The following LGALS1 variants were observed in gnomAD, a reference collection of about 807,000 sequenced individuals.
The protein encoded by LGALS1 is galectin-1.
Under a neutral mutation model 14.4 loss-of-function variants are expected in LGALS1, and 14 were observed. That is an observed-to-expected ratio of 0.97 (90% confidence interval 0.64 to 1.52). The LOEUF (loss-of-function observed/expected upper bound fraction) is 1.52, where lower values mean the gene tolerates loss of function less well. LGALS1 is among the 40% of genes most tolerant of loss of function. LGALS1 has a pLI of 0.00. For missense variants in LGALS1, 170 were observed against 181.4 expected (o/e 0.94, Z 0.36); for synonymous variants, 71 against 73.4 (o/e 0.97, Z 0.17).
Position 37,678,634 on chromosome 22 carries a change from C to A in LGALS1, c.241C>A (p.Gln81Lys). The change falls in exon 3 of 4, where the codon CAG becomes AAG. Residue 81 changes from glutamine to lysine, a missense_variant. Gln to Lys is a moderately conservative substitution (Grantham distance 53). Coordinates refer to ENST00000215909, the MANE Select transcript of LGALS1 (RefSeq NM_002305.4). ...TEQREAVFPF[Q>K]PGSVAEVCIT... ...GCAGCGGGAGGCTGTCTTTCCCTTCCAGCCTGGAAGTGTTGCAGAGGTGGG... is the reference window on the plus strand; with the variant it reads ...GCAGCGGGAGGCTGTCTTTCCCTTCAAGCCTGGAAGTGTTGCAGAGGTGGG... 1 of 1,604,210 alleles carries A rather than the reference C, an allele frequency of 6.2e-7. No individual in the cohort carries two copies. Among genetic ancestry groups the A allele is most frequent in the Non-Finnish European group, 8.5e-7 (1 of 1,175,894 alleles).
In LGALS1 at chr22:37,678,479, C is replaced by G; in HGVS notation, c.90-4C>G. The stretch of plus-strand genomic sequence containing the variant: ...TGGCCTCATGCCCACCCGTTACCCC[C>G]CAGCTTCGTGCTGAACCTGGGCAAA... On this transcript the variant is annotated splice_polypyrimidine_tract_variant and splice_region_variant and intron_variant, in intron 2 of 3. Coordinates refer to ENST00000215909, the MANE Select transcript of LGALS1 (RefSeq NM_002305.4). 6.2e-7 allele frequency: 1 copy of G among 1,613,450 alleles called. No homozygotes were observed. Among genetic ancestry groups the G allele is most frequent in the Non-Finnish European group, 8.5e-7 (1 of 1,180,002 alleles).
In LGALS1 at chr22:37,679,762, C is replaced by A; in HGVS notation, c.*13C>A. 6.3e-7 allele frequency: 1 copy of A among 1,574,890 alleles called. No individual in the cohort carries two copies. The highest frequency in any genetic ancestry group is 8.6e-7 in the Non-Finnish European group (1 of 1,157,448). On this transcript the variant is annotated 3_prime_UTR_variant, in exon 4 of 4. Coordinates refer to ENST00000215909, the MANE Select transcript of LGALS1 (RefSeq NM_002305.4). ...GGCCTTTGACTGAAATCAGCCAGCCCATGGCCCCCAATAAAGGCAGCTGCC... is the reference window on the plus strand; with the variant it reads ...GGCCTTTGACTGAAATCAGCCAGCCAATGGCCCCCAATAAAGGCAGCTGCC...
chr22:37,678,314 G>T, intron 2 of LGALS1, 169 bp from the exon 3 acceptor site: 1 of 753,750 alleles, frequency 1.3e-6, no homozygotes, highest in Admixed American at 2.0e-5. Flanking sequence ...GCAAACAGGG[G>T]AAGAGGGGCA....
At chr22:37,676,351 C>T (rs1316056092) in intron 1 of LGALS1, among the ~76,000 whole-genome samples, 3 of 152,172 alleles carry the variant, frequency 2.0e-5, no homozygotes, top group Non-Finnish European at 4.4e-5. Flanking sequence ...ACCACTCAAA[C>T]CAGTTAACTC....
In LGALS1 at chr22:37,675,728, C is replaced by A. The variant is rs1318008108; in HGVS notation, c.9+17C>A. 2 of 1,538,952 alleles carry A rather than the reference C, an allele frequency of 1.3e-6. No individual in the cohort carries two copies. The highest frequency in any genetic ancestry group is 2.5e-5 in the East Asian group (1 of 40,258). On this transcript the variant is annotated intron_variant, in intron 1 of 3. Coordinates refer to ENST00000215909, the MANE Select transcript of LGALS1 (RefSeq NM_002305.4). ...ATGGCTTGTGTGAGTGTGGGGACCC[C>A]CCCCCAAGGTCCAGGGGATAGGGCA... is the stretch of plus-strand genomic sequence containing the variant.
intron 2 of LGALS1, chr22:37,678,236 C>T (rs888414597): frequency 2.7e-5 from 17 of 623,338 alleles, no homozygotes; most frequent in African/African-American, 1.1e-4. Flanking sequence ...CTTGACCAAA[C>T]GGGCTAGGAT....
rs752640310 is a variant in LGALS1 at position 37,675,849 on chromosome 22, A to G, written c.9+138A>G. 3.4e-4 allele frequency: 236 copies of G among 687,188 alleles called. 1 individual carries two copies. Among genetic ancestry groups the G allele is most frequent in the Non-Finnish European group, 4.7e-4 (205 of 438,932 alleles). 42.6% of individuals were successfully genotyped at this position (687,188 alleles called of 1,614,324 possible). On this transcript the variant is annotated intron_variant, in intron 1 of 3. Transcript: ENST00000215909. ...CAGTGCCTTCTCTTTTCTGGACCTC[A>G]GTGGCCACATCTGTAAAATGGGGGT...
intron 1 of LGALS1, among the ~76,000 whole-genome samples, chr22:37,676,376 G>A (rs192729022): frequency 5.1e-4 from 77 of 152,286 alleles, no homozygotes; most frequent in African/African-American, 1.8e-3. Flanking sequence ...CCACCCACTC[G>A]GGGTGCCAGG....
rs1921520215 is a variant in LGALS1, at chr22:37,678,560, C to T, written c.167C>T (p.Ala56Val). Residue 56 changes from alanine (A) to valine (V), a missense_variant, in exon 3 of 4, where the codon GCC (alanine) becomes GTC (valine). Coordinates refer to ENST00000215909, the MANE Select transcript of LGALS1 (RefSeq NM_002305.4). Reference protein sequence around the residue: ...FNPRFNAHGDANTIVCNSKDG... With the variant: ...FNPRFNAHGDVNTIVCNSKDG... The stretch of plus-strand genomic sequence containing the variant: ...CCTCGCTTCAACGCCCACGGCGACG[C>T]CAACACCATCGTGTGCAACAGCAAG... 2.5e-6 allele frequency: 4 copies of T among 1,613,618 alleles called. No homozygotes were observed. Among genetic ancestry groups the T allele is most frequent in the Non-Finnish European group, 2.5e-6 (3 of 1,180,034 alleles).
At position 37,678,904 on chromosome 22, in the gene LGALS1, C is replaced by T. The variant is rs963220082; in HGVS notation, c.261+250C>T. On this transcript the variant is annotated intron_variant, in intron 3 of 3. Transcript: ENST00000215909. Reference sequence around the variant, plus strand: ...CAGCACTTTGGGAGGCCGAGGCGGGCGGATCACCTGAGGTCGGGAGTTCGA... The same window carrying T: ...CAGCACTTTGGGAGGCCGAGGCGGGTGGATCACCTGAGGTCGGGAGTTCGA... Among the ~76,000 whole-genome samples the T allele has an allele frequency of 7.9e-5, 12 of 151,850 alleles. No homozygotes were observed. The South Asian group carries it at 1.0e-3, about 13-fold the overall frequency.
At chr22:37,677,126 TG>T in intron 2 of LGALS1, 61 bp downstream of exon 2, 3 of 1,538,336 alleles carry the variant, frequency 2.0e-6, no homozygotes, top group Non-Finnish European at 8.9e-7. Context: ...AGGGAGGGCG[TG>T]GCCGGCCAAG....
Position 37,675,674 on chromosome 22 carries a change from T to G in LGALS1, c.-29T>G, listed in dbSNP as rs1921397830. 1.3e-6 allele frequency: 2 copies of G among 1,549,570 alleles called. No homozygotes were observed. Among genetic ancestry groups the G allele is most frequent in the South Asian group, 1.2e-5 (1 of 83,854 alleles). On this transcript the variant is annotated 5_prime_UTR_variant, in exon 1 of 4. Transcript: ENST00000215909. ...GGAGTCTTCTGACAGCTGGTGCGCC[T>G]GCCCGGGAACATCCTCCTGGACTCA...
chr22:37,679,573 G>T, intron 3 of LGALS1, 30 bp from the exon 4 acceptor site: 3 of 1,553,788 alleles, frequency 1.9e-6, no homozygotes, highest in Non-Finnish European at 1.7e-6. Context: ...TGGCATGTGG[G>T]CCCGGCTCAC....
chr22:37,679,693 A>G lies in LGALS1; in HGVS notation c.352A>G (p.Ile118Val). The G allele has an allele frequency of 6.2e-7, 1 of 1,611,192 alleles. No homozygotes were observed. The highest frequency in any genetic ancestry group is 8.5e-7 in the Non-Finnish European group (1 of 1,178,956). The change falls in exon 4 of 4, where the codon ATC becomes GTC. Residue 118 changes from isoleucine to valine, a missense_variant. Transcript: ENST00000215909. ...CCCCAACCGCCTCAACCTGGAGGCCATCAACTACATGGCAGCTGACGGTGA... is the reference window on the plus strand; with the variant it reads ...CCCCAACCGCCTCAACCTGGAGGCCGTCAACTACATGGCAGCTGACGGTGA... ...KFPNRLNLEA[I>V]NYMAADGDFK...
At position 37,677,009 on chromosome 22, in the gene LGALS1, T is replaced by C; in HGVS notation, c.33T>C (p.Asn11=). 1 of 1,613,994 alleles carries C rather than the reference T, an allele frequency of 6.2e-7. No individual in the cohort carries two copies. Among genetic ancestry groups the C allele is most frequent in the Non-Finnish European group, 8.5e-7 (1 of 1,179,986 alleles). ...AGGGTCTGGTCGCCAGCAACCTGAA[T>C]CTCAAACCTGGAGAGTGCCTTCGAG... MACGLVASNL[N]LKPGECLRVR... is the part of the protein sequence containing the mutation. Residue 11 remains asparagine (N), a synonymous_variant, in exon 2 of 4, where the codon AAT becomes AAC. Transcript: ENST00000215909.
rs749582229 is a variant in LGALS1 at position 37,678,672 on chromosome 22, A to AC, written c.261+20dup. 3 of 721,334 alleles carry AC rather than the reference A, an allele frequency of 4.2e-6. No individual in the cohort carries two copies. The highest frequency in any genetic ancestry group is 6.0e-6 in the Non-Finnish European group (3 of 498,464). 44.7% of individuals were successfully genotyped at this position (721,334 alleles called of 1,614,324 possible). A position where few individuals can be genotyped will look rare whatever the true frequency, so the allele number is the denominator to read the frequency against. Reference sequence around the variant, plus strand: ...TTGCAGAGGTGGGCTGCAGACCGGAACCGGGGACCAGGGACAGGGGCTGGG... The same window carrying AC: ...TTGCAGAGGTGGGCTGCAGACCGGAACCCGGGGACCAGGGACAGGGGCTGGG... On this transcript the variant is annotated intron_variant, in intron 3 of 3. Transcript: ENST00000215909.
intron 1 of LGALS1, 21 bp downstream of exon 1, chr22:37,675,732 C>G (rs201722376): frequency 1.9e-4 from 292 of 1,538,686 alleles, no homozygotes; most frequent in South Asian, 1.3e-3. Context: ...GGACCCCCCC[C>G]CAAGGTCCAG....
At chr22:37,677,926 A>G (rs910301596) in intron 2 of LGALS1, among the ~76,000 whole-genome samples, 4 of 151,938 alleles carry the variant, frequency 2.6e-5, no homozygotes, top group African/African-American at 4.8e-5. Flanking sequence ...CCGGGATTAC[A>G]GGGGCCCACC....
At chr22:37,676,886 G>A in intron 1 of LGALS1, 100 bp from the exon 2 acceptor site, 2 of 1,174,826 alleles carry the variant, frequency 1.7e-6, no homozygotes, top group Non-Finnish European at 2.5e-6. Flanking sequence ...GAGGATGCCG[G>A]GCGGGAACAA....
Sources: allele counts gnomAD v4.1 joint callset (sites outside exome capture counted in the v4.1 genomes callset), GRCh38; gene constraint gnomAD v4.1.1; transcripts MANE v1.5; gene names NCBI Gene and HGNC (gene_info 2026-07-23, HGNC 2026-07-21).